Variants in SOX18 observed in about 807,000 individuals in gnomAD.
SOX18 encodes the protein transcription factor SOX-18.
Under a neutral mutation model 9.1 loss-of-function variants are expected in SOX18, and 2 were observed. The ratio of observed to expected loss-of-function variants is 0.22; its 90% confidence interval spans 0.09 to 0.69. The LOEUF (loss-of-function observed/expected upper bound fraction) is 0.69. SOX18 is among the 30% of genes least tolerant of loss of function. The pLI is 0.80. For missense variants in SOX18, 542 were observed against 567.3 expected, an observed-to-expected ratio of 0.96 and a Z score of 0.45; for synonymous variants, 292 against 280.5, an observed-to-expected ratio of 1.04 and a Z score of -0.41.
rs537603000 is a variant in SOX18 at position 64,048,657 on chromosome 20, C to T, written c.664G>A (p.Gly222Ser). Reference protein sequence around the residue: ...LPTPERSPLDGLEPGEAAFFP... With the variant: ...LPTPERSPLDSLEPGEAAFFP... ...AAGGCAGCCTCGCCGGGCTCCAGGC[C>T]GTCCAGAGGCGAGCGCTCGGGCGTG... is the stretch of plus-strand genomic sequence containing the variant. The change falls in exon 2 of 2, where the codon GGC (glycine) becomes AGC (serine). Residue 222 changes from glycine (G) to serine (S), a missense_variant. Gly to Ser is a moderately conservative substitution (Grantham distance 56). Transcript: ENST00000340356. The T allele has an allele frequency of 2.2e-5, 28 of 1,280,756 alleles. No homozygotes were observed. Among genetic ancestry groups the T allele is most frequent in the African/African-American group, 4.7e-5 (3 of 64,080 alleles). 79.3% of individuals were successfully genotyped at this position (1,280,756 alleles called of 1,614,324 possible). A position where few individuals can be genotyped will look rare whatever the true frequency, so the allele number is the denominator to read the frequency against.
chr20:64,048,966 C>T lies in SOX18; in HGVS notation c.359-4G>A, dbSNP rs2145417555. ...TTCAGCTCCTTCCACGCTTTGCCTGCGGGCCGTGGGCGCCAGTGAGTGGAA... is the reference window on the plus strand; with the variant it reads ...TTCAGCTCCTTCCACGCTTTGCCTGTGGGCCGTGGGCGCCAGTGAGTGGAA... On this transcript the variant is annotated splice_region_variant and splice_polypyrimidine_tract_variant and intron_variant, in intron 1 of 1. Coordinates refer to ENST00000340356, the MANE Select transcript of SOX18 (RefSeq NM_018419.3). 1 of 1,582,658 alleles carries T rather than the reference C, an allele frequency of 6.3e-7. No individual in the cohort carries two copies. The highest frequency in any genetic ancestry group is 2.3e-5 in the East Asian group (1 of 43,086).
chr20:64,048,502 C>T lies in SOX18; in HGVS notation c.819G>A (p.Ala273=), dbSNP rs1159547520. 6 of 1,227,862 alleles carry T rather than the reference C, an allele frequency of 4.9e-6. No individual in the cohort carries two copies. Among genetic ancestry groups the T allele is most frequent in the Non-Finnish European group, 5.1e-6 (5 of 988,130 alleles). The allele number at this position is 1,227,862 out of a possible 1,614,324, so 76.1% of individuals were successfully genotyped here. Residue 273 remains alanine (A), a synonymous_variant, in exon 2 of 2, where the codon GCG becomes GCA. Transcript: ENST00000340356. ...GAPLAEALRT[A]PPAAPLAGLY... is the part of the protein sequence containing the mutation. The stretch of plus-strand genomic sequence containing the variant: ...GGCCAGCGAGCGGCGCCGCGGGGGG[C>T]GCGGTCCTGAGCGCCTCCGCCAGGG...
At position 64,048,608 on chromosome 20, in the gene SOX18, TC is replaced by T; in HGVS notation, c.712del (p.Glu238ArgfsTer128). The T allele has an allele frequency of 8.0e-7, 1 of 1,251,530 alleles. No homozygotes were observed. The highest frequency in any genetic ancestry group is 1.0e-6 in the Non-Finnish European group (1 of 1,001,210). The allele number at this position is 1,251,530 out of a possible 1,614,324, so 77.5% of individuals were successfully genotyped here. ...AAFFPPPAAP[E>X]DCALRPFRAP... ...GCGGAAGGGCCGCAGCGCGCAGTCC[TC>T]GGGCGCCGCGGGCGGTGGGAAGAAG... is the stretch of plus-strand genomic sequence containing the variant. On this transcript the variant is annotated frameshift_variant, in exon 2 of 2. Coordinates refer to ENST00000340356, the MANE Select transcript of SOX18 (RefSeq NM_018419.3). LOFTEE classifies it low-confidence loss of function (END_TRUNC).
rs777732531 is a variant in SOX18 at position 64,048,358 on chromosome 20, G to A, written c.963C>T (p.Asp321=). The A allele has an allele frequency of 1.1e-5, 17 of 1,585,266 alleles. No homozygotes were observed. The East Asian group carries it at 3.7e-4, about 34-fold the overall frequency. The change falls in exon 2 of 2, where the codon GAC becomes GAT. Residue 321 remains aspartate (D), a synonymous_variant. Coordinates refer to ENST00000340356, the MANE Select transcript of SOX18 (RefSeq NM_018419.3). ...PLGPAADLWA[D]VDLTEFDQYL... Reference sequence around the variant, plus strand: ...ACTGGTCGAACTCGGTGAGGTCCACGTCGGCCCACAGATCGGCGGCGGGCC... The same window carrying A: ...ACTGGTCGAACTCGGTGAGGTCCACATCGGCCCACAGATCGGCGGCGGGCC...
rs1307996906 is a variant in SOX18 at position 64,049,070 on chromosome 20, G to T, written c.358+89C>A. The T allele has an allele frequency of 7.9e-4, 841 of 1,069,196 alleles. 6 individuals are homozygous for T. The African/African-American group carries it at 0.015, about 19-fold the overall frequency. The allele number at this position is 1,069,196 out of a possible 1,614,324, so 66.2% of individuals were successfully genotyped here. A position where few individuals can be genotyped will look rare whatever the true frequency, so the allele number is the denominator to read the frequency against. On this transcript the variant is annotated intron_variant, in intron 1 of 1. Transcript: ENST00000340356. ...GGGTTTGGCGCAGCCCCCGCACCCC[G>T]CGGCCCGGGACCCCTGCCCCCCCCG... is the stretch of plus-strand genomic sequence containing the variant.
intron 1 of SOX18, 47 bp downstream of exon 1, chr20:64,049,112 G>GCC: frequency 3.8e-6 from 2 of 524,668 alleles, no homozygotes; most frequent in South Asian, 4.3e-5. Context: ...CCCGGCCCGA[G>GCC]CCCCCCCCGC....
In SOX18 at chr20:64,049,220, C is replaced by G; in HGVS notation, c.297G>C (p.Glu99Asp). Residue 99 changes from glutamate (E) to aspartate (D), a missense_variant, in exon 1 of 2, where the codon GAG (glutamate) becomes GAC (aspartate). Transcript: ENST00000340356. Reference sequence around the variant, plus strand: ...GGTTCTGCTGAGCCAGCCGCTTGCGCTCGTCCTTTGCCCACACCATGAAGG... The same window carrying G: ...GGTTCTGCTGAGCCAGCCGCTTGCGGTCGTCCTTTGCCCACACCATGAAGG... ...MNAFMVWAKD[E>D]RKRLAQQNPD... The G allele has an allele frequency of 6.5e-7, 1 of 1,531,834 alleles. No homozygotes were observed. The highest frequency in any genetic ancestry group is 8.8e-7 in the Non-Finnish European group (1 of 1,134,406). The allele number at this position is 1,531,834 out of a possible 1,614,324, so 94.9% of individuals were successfully genotyped here.
chr20:64,048,770 G>A lies in SOX18; in HGVS notation c.551C>T (p.Pro184Leu). The change falls in exon 2 of 2, where the codon CCC (proline) becomes CTC (leucine). Residue 184 changes from proline (P) to leucine (L), a missense_variant. Physicochemically the swap from Pro to Leu is moderately conservative, Grantham distance 98. Transcript: ENST00000340356. ...LPGLAPPQPPPEPFPAASGSA... is the reference protein window; with the variant it reads ...LPGLAPPQPPLEPFPAASGSA... ...GCCAGACGCCGCGGGGAAAGGCTCGGGCGGTGGCTGCGGGGGCGCTAATCC... is the reference window on the plus strand; with the variant it reads ...GCCAGACGCCGCGGGGAAAGGCTCGAGCGGTGGCTGCGGGGGCGCTAATCC... 6.7e-7 allele frequency: 1 copy of A among 1,494,906 alleles called. No individual in the cohort carries two copies. The highest frequency in any genetic ancestry group is 2.1e-5 in the Admixed American group (1 of 47,068). 92.6% of individuals were successfully genotyped at this position (1,494,906 alleles called of 1,614,324 possible).
chr20:64,049,084 C>CA, intron 1 of SOX18, 75 bp downstream of exon 1: 1 of 1,037,310 alleles, frequency 9.6e-7, no homozygotes, highest in Non-Finnish European at 1.2e-6. Flanking sequence ...CCCGGGACCC[C>CA]TGCCCCCCCC....
intron 1 of SOX18, 34 bp downstream of exon 1, chr20:64,049,125 T>A: frequency 1.5e-5 from 9 of 617,676 alleles, no homozygotes; most frequent in Non-Finnish European, 1.8e-5. Context: ...CCCCCCGCCC[T>A]CTCCCCCTTC....
Position 64,049,611 on chromosome 20 carries a change from G to A in SOX18, c.-95C>T, listed in dbSNP as rs2059423273. The A allele has an allele frequency of 2.4e-6, 2 of 820,316 alleles. No homozygotes were observed. The highest frequency in any genetic ancestry group is 3.0e-6 in the Non-Finnish European group (2 of 676,322). 50.8% of individuals were successfully genotyped at this position (820,316 alleles called of 1,614,324 possible). A position where few individuals can be genotyped will look rare whatever the true frequency, so the allele number is the denominator to read the frequency against. On this transcript the variant is annotated 5_prime_UTR_variant, in exon 1 of 2. Coordinates refer to ENST00000340356, the MANE Select transcript of SOX18 (RefSeq NM_018419.3). The stretch of plus-strand genomic sequence containing the variant: ...CCGGGCGCAAGGGCAGGCCAGGCCG[G>A]GAGGGCGGATGGCGGTGGGGACGGC...
rs1173079572 is a variant in SOX18, at chr20:64,048,829, C to T, written c.492G>A (p.Lys164=). 4 of 1,571,986 alleles carry T rather than the reference C, an allele frequency of 2.5e-6. No individual in the cohort carries two copies. The highest frequency in any genetic ancestry group is 1.1e-5 in the South Asian group (1 of 87,976). The change falls in exon 2 of 2, where the codon AAG becomes AAA. Residue 164 remains lysine (K), a synonymous_variant. Transcript: ENST00000340356. ...YRPRRKKQAR[K]ARRLEPGLLL... ...GGAGGCCGGGCTCCAGCCGCCGGGCCTTGCGCGCCTGCTTCTTGCGGCGCG... is the reference window on the plus strand; with the variant it reads ...GGAGGCCGGGCTCCAGCCGCCGGGCTTTGCGCGCCTGCTTCTTGCGGCGCG...
Position 64,049,202 on chromosome 20 carries a change from C to G in SOX18, c.315G>C (p.Gln105His). ...WAKDERKRLA[Q>H]QNPDLHNAVL... ...CCGCGTTGTGCAGGTCCGGGTTCTG[C>G]TGAGCCAGCCGCTTGCGCTCGTCCT... Residue 105 changes from glutamine (Q) to histidine (H), a missense_variant, in exon 1 of 2, where the codon CAG (glutamine) becomes CAC (histidine). Physicochemically the swap from Gln to His is conservative, Grantham distance 24. Coordinates refer to ENST00000340356, the MANE Select transcript of SOX18 (RefSeq NM_018419.3). 1 of 1,519,942 alleles carries G rather than the reference C, an allele frequency of 6.6e-7. No homozygotes were observed. 94.2% of individuals were successfully genotyped at this position (1,519,942 alleles called of 1,614,324 possible).
At position 64,049,265 on chromosome 20, in the gene SOX18, GCGCGACTCGTCTGC is replaced by G; in HGVS notation, c.238_251del (p.Ala80HisfsTer441). 2.6e-6 allele frequency: 4 copies of G among 1,520,550 alleles called. No homozygotes were observed. Among genetic ancestry groups the G allele is most frequent in the Non-Finnish European group, 3.5e-6 (4 of 1,128,016 alleles). 94.2% of individuals were successfully genotyped at this position (1,520,550 alleles called of 1,614,324 possible). On this transcript the variant is annotated frameshift_variant, in exon 1 of 2. Transcript: ENST00000340356. LOFTEE classifies it high-confidence loss of function. ...TGAAGGCGTTCATGGGCCGCCGGAT[GCGCGACTCGTCTGC>G]CGCCTGGCGTTCCCCGCGGCCGGCC...
In SOX18 at chr20:64,049,621, T is replaced by C. The variant is rs901226530; in HGVS notation, c.-105A>G. 2.9e-6 allele frequency: 2 copies of C among 685,158 alleles called. No individual in the cohort carries two copies. The highest frequency in any genetic ancestry group is 2.2e-5 in the African/African-American group (1 of 46,054). The allele number at this position is 685,158 out of a possible 1,614,324, so 42.4% of individuals were successfully genotyped here. A position where few individuals can be genotyped will look rare whatever the true frequency, so the allele number is the denominator to read the frequency against. ...GGGCAGGCCAGGCCGGGAGGGCGGA[T>C]GGCGGTGGGGACGGCGGTGGCCTCG... On this transcript the variant is annotated 5_prime_UTR_variant, in exon 1 of 2. Coordinates refer to ENST00000340356, the MANE Select transcript of SOX18 (RefSeq NM_018419.3).
In SOX18 at chr20:64,048,413, G is replaced by GCCT; in HGVS notation, c.905_907dup (p.Glu302dup). ...CGGCTCGGCGCTCTCCAGCGGCGGG[G>GCCT]CCTCGGGCGGCGGCGACAGCGGGCC... On this transcript the variant is annotated inframe_insertion, in exon 2 of 2. Coordinates refer to ENST00000340356, the MANE Select transcript of SOX18 (RefSeq NM_018419.3). 1 of 1,477,494 alleles carries GCCT rather than the reference G, an allele frequency of 6.8e-7. No homozygotes were observed. Among genetic ancestry groups the GCCT allele is most frequent in the Non-Finnish European group, 8.9e-7 (1 of 1,120,228 alleles). 91.5% of individuals were successfully genotyped at this position (1,477,494 alleles called of 1,614,324 possible).
chr20:64,048,766 C>T lies in SOX18; in HGVS notation c.555G>A (p.Glu185=). The change falls in exon 2 of 2, where the codon GAG becomes GAA. Residue 185 remains glutamate, a synonymous_variant. Transcript: ENST00000340356. The part of the protein sequence containing the change: ...PGLAPPQPPP[E]PFPAASGSAR... ...CCGAGCCAGACGCCGCGGGGAAAGG[C>T]TCGGGCGGTGGCTGCGGGGGCGCTA... 2.7e-6 allele frequency: 4 copies of T among 1,489,624 alleles called. No individual in the cohort carries two copies. Among genetic ancestry groups the T allele is most frequent in the Non-Finnish European group, 3.6e-6 (4 of 1,124,668 alleles). The allele number at this position is 1,489,624 out of a possible 1,614,324, so 92.3% of individuals were successfully genotyped here.
chr20:64,048,054 C>G lies in SOX18; in HGVS notation c.*112G>C. On this transcript the variant is annotated 3_prime_UTR_variant, in exon 2 of 2. Transcript: ENST00000340356. ...ATCACTGGCTCCTAGGGGGCTGTGA[C>G]ATGGAACCAAACATACACGCGTATG... is the stretch of plus-strand genomic sequence containing the variant. 9.1e-7 allele frequency: 1 copy of G among 1,102,246 alleles called. No homozygotes were observed. Among genetic ancestry groups the G allele is most frequent in the Non-Finnish European group, 1.3e-6 (1 of 755,812 alleles). The allele number at this position is 1,102,246 out of a possible 1,614,324, so 68.3% of individuals were successfully genotyped here.
rs774397026 is a variant in SOX18 at position 64,048,929 on chromosome 20, T to C, written c.392A>G (p.Lys131Arg). 18 of 1,595,878 alleles carry C rather than the reference T, an allele frequency of 1.1e-5. No individual in the cohort carries two copies. In the East Asian group the frequency reaches 3.9e-4, roughly 34 times the overall value. The change falls in exon 2 of 2, where the codon AAG (lysine) becomes AGG (arginine). Residue 131 changes from lysine to arginine, a missense_variant. By Grantham distance (26) the Lys-to-Arg change is conservative. Transcript: ENST00000340356. Reference sequence around the variant, plus strand: ...TTCGGCTTCCTCCACGAAGGGCCGCTTCTCCGCCGCGTTCAGCTCCTTCCA... The same window carrying C: ...TTCGGCTTCCTCCACGAAGGGCCGCCTCTCCGCCGCGTTCAGCTCCTTCCA... ...KAWKELNAAE[K>R]RPFVEEAERL... is the part of the protein sequence containing the mutation.
Sources: allele counts gnomAD v4.1 joint callset, GRCh38; gene constraint gnomAD v4.1.1; transcripts MANE v1.5; gene names NCBI Gene and HGNC (gene_info 2026-07-23, HGNC 2026-07-21).